Variants in CHRNA5 observed in about 807,000 individuals in gnomAD.
CHRNA5 encodes neuronal acetylcholine receptor subunit alpha-5.
In CHRNA5, 28 loss-of-function variants were observed where a neutral mutation model predicts 41.2. The observed-to-expected ratio is 0.68, with a 90% CI of 0.50 to 0.93. The LOEUF is 0.93. Ranked by LOEUF, CHRNA5 falls within the 40% of genes least tolerant of loss-of-function variation. The pLI is 0.00. For synonymous variants in CHRNA5, 188 were observed against 205.8 expected (o/e 0.91, Z 0.74); for missense variants, 481 against 581.9 (o/e 0.83, Z 1.78).
At chr15:78,565,984 C>T (rs1194022108) in intron 1 of CHRNA5, among the ~76,000 whole-genome samples, 159 bp downstream of exon 1, 1 of 152,090 alleles carries the variant, frequency 6.6e-6, no homozygotes, top group Non-Finnish European at 1.5e-5. Flanking sequence ...GTTTAAATGT[C>T]CAGATTTGCT....
chr15:78,565,717 G>A, exon 1 of CHRNA5: 2 of 1,156,644 alleles, frequency 1.7e-6, no homozygotes, highest in Admixed American at 4.7e-5. Flanking sequence ...CGGGCGCGGG[G>A]CGATGGCGGC....
chr15:78,585,391 G>A (rs2052949867), intron 2 of CHRNA5, among the ~76,000 whole-genome samples: 1 of 152,126 alleles, frequency 6.6e-6, no homozygotes, highest in African/African-American at 2.4e-5. Flanking sequence ...CTTACCTGTT[G>A]TTGGGACGGG....
At chr15:78,593,332 G>T in exon 6 of CHRNA5, 1 of 1,372,124 alleles carries the variant, frequency 7.3e-7, no homozygotes, top group Non-Finnish European at 9.7e-7. Flanking sequence ...GAAAATGTAA[G>T]TTATGTGTTA....
intron 5 of CHRNA5, chr15:78,591,196 C>T (rs973648015): frequency 6.6e-6 from 1 of 152,438 alleles, no homozygotes; most frequent in African/African-American, 2.4e-5. Context: ...CATGGTGAAA[C>T]TCCATTTCTA....
rs565382338 is a variant in CHRNA5 at position 78,588,241 on chromosome 15, C to CA, written c.304-67dup. 29 of 765,118 alleles carry CA rather than the reference C, an allele frequency of 3.8e-5. 1 individual carries two copies. In the South Asian group the frequency reaches 5.9e-4, roughly 16 times the overall value. The allele number at this position is 765,118 out of a possible 1,614,324, so 47.4% of individuals were successfully genotyped here. A position where few individuals can be genotyped will look rare whatever the true frequency, so the allele number is the denominator to read the frequency against. On this transcript the variant is annotated intron_variant, in intron 3 of 5. Coordinates refer to ENST00000299565, the Ensembl canonical transcript of CHRNA5. This position sits in a 1 kb window ranked among gnomAD's most constrained non-coding sequence, Gnocchi z 4.1. ...CTCATGTCTAAAATTTCTGGTGTGA[C>CA]AAAAAAGTATGGTATTCACTGTTTT...
rs747574001 is a variant in CHRNA5, at chr15:78,586,698, G to A, written c.303+9G>A. 1.3e-6 allele frequency: 2 copies of A among 1,599,754 alleles called. No homozygotes were observed. The highest frequency in any genetic ancestry group is 2.3e-5 in the South Asian group (2 of 87,606). On this transcript the variant is annotated intron_variant, in intron 3 of 5. Coordinates refer to ENST00000299565, the Ensembl canonical transcript of CHRNA5. ...ACGTCTGGTTGAAACAGGTATGTGT[G>A]TAAAATTCAAACGGGCACCCAATTA...
intron 2 of CHRNA5, among the ~76,000 whole-genome samples, chr15:78,585,921 A>T (rs2052957223): frequency 6.7e-6 from 1 of 150,324 alleles, no homozygotes; most frequent in Admixed American, 6.7e-5. Flanking sequence ...AATAGCTGGG[A>T]TTACATGCAT....
intron 1 of CHRNA5, among the ~76,000 whole-genome samples, chr15:78,571,616 C>T (rs1368282250): frequency 7.3e-6 from 1 of 136,260 alleles, no homozygotes; most frequent in East Asian, 2.1e-4. Context: ...CAAGTTGTCT[C>T]GTCTCCTCGA....
intron 2 of CHRNA5, among the ~76,000 whole-genome samples, chr15:78,584,938 C>T (rs568320831): frequency 6.6e-6 from 1 of 152,152 alleles, no homozygotes; most frequent in Admixed American, 6.5e-5. Context: ...AGCAAGTCAC[C>T]TCTCTGGGCC....
intron 1 of CHRNA5, among the ~76,000 whole-genome samples, chr15:78,578,199 TTAAAC>T (rs1171118742): frequency 1.3e-5 from 2 of 152,206 alleles, no homozygotes; most frequent in Admixed American, 6.5e-5. Context: ...TATTTGTAGA[TTAAAC>T]TAAGTATCTT....
In CHRNA5 at chr15:78,574,375, T is replaced by G. The variant is rs74574008; in HGVS notation, c.107-6436T>G. Among the ~76,000 whole-genome samples, 1,293 of 99,356 alleles carry G rather than the reference T, an allele frequency of 0.013. 130 individuals are homozygous for G. In the East Asian group the frequency reaches 0.32, roughly 25 times the overall value. 65.2% of individuals were successfully genotyped at this position (99,356 alleles called of 152,430 possible). On this transcript the variant is annotated intron_variant, in intron 1 of 5. Transcript: ENST00000299565. Reference sequence around the variant, plus strand: ...AGCCTGGCCAACAGGAGCTAAACGCTGTCTCAAAAAAAAAAAAAAAAAATC... The same window carrying G: ...AGCCTGGCCAACAGGAGCTAAACGCGGTCTCAAAAAAAAAAAAAAAAAATC...
exon 5 of CHRNA5, chr15:78,590,568 T>A: frequency 6.2e-7 from 1 of 1,614,142 alleles, no homozygotes; most frequent in South Asian, 1.1e-5. Flanking sequence ...TAGAAACACA[T>A]TGGAAGCTGC....
chr15:78,593,215 A>G (rs1378759354), exon 6 of CHRNA5: 3 of 1,613,122 alleles, frequency 1.9e-6, no homozygotes, highest in Non-Finnish European at 2.5e-6. Flanking sequence ...ATGGGCAAAT[A>G]TATTAATACC....
At position 78,580,279 on chromosome 15, in the gene CHRNA5, CAAAAAAAA is replaced by C. The variant is rs71148541; in HGVS notation, c.107-516_107-509del. Among the ~76,000 whole-genome samples, 472 of 62,008 alleles carry C rather than the reference CAAAAAAAA, an allele frequency of 7.6e-3. 1 individual carries two copies. The highest frequency in any genetic ancestry group is 0.011 in the Non-Finnish European group (375 of 33,022). The allele number at this position is 62,008 out of a possible 152,430, so 40.7% of individuals were successfully genotyped here. ...TGGGAGACCAGGCAGGACTCCGTCT[CAAAAAAAA>C]AAAAAAAAAAAAAAAGATTATGCAA... On this transcript the variant is annotated intron_variant, in intron 1 of 5. Transcript: ENST00000299565.
chr15:78,582,913 T>A (rs1253596255), intron 2 of CHRNA5, among the ~76,000 whole-genome samples: 1 of 152,222 alleles, frequency 6.6e-6, no homozygotes, highest in African/African-American at 2.4e-5. Flanking sequence ...CATGTTTACT[T>A]CTTGGGAGAA....
At chr15:78,590,627 T>C in exon 5 of CHRNA5, 1 of 1,610,750 alleles carries the variant, frequency 6.2e-7, no homozygotes, top group Non-Finnish European at 8.5e-7. Flanking sequence ...AGGAAAATGA[T>C]GTCCGTGAGG....
rs144060843 is a variant in CHRNA5 at position 78,586,724 on chromosome 15, G to T, written c.303+35G>T. The T allele has an allele frequency of 2.5e-4, 375 of 1,482,102 alleles. No homozygotes were observed. The African/African-American group carries it at 4.6e-3, about 18-fold the overall frequency. The allele number at this position is 1,482,102 out of a possible 1,614,324, so 91.8% of individuals were successfully genotyped here. On this transcript the variant is annotated intron_variant, in intron 3 of 5. Transcript: ENST00000299565. ...TAAAATTCAAACGGGCACCCAATTA[G>T]TGACTGGGACACCTATTTTTATTAT...
At chr15:78,582,762 T>G (rs1463351237) in intron 2 of CHRNA5, among the ~76,000 whole-genome samples, 3 of 152,160 alleles carry the variant, frequency 2.0e-5, no homozygotes, top group Non-Finnish European at 4.4e-5. Flanking sequence ...GTTGTAGGTA[T>G]ATAAGTGATA....
chr15:78,568,384 T>C (rs745526745), intron 1 of CHRNA5, among the ~76,000 whole-genome samples: 1 of 152,216 alleles, frequency 6.6e-6, no homozygotes, highest in South Asian at 2.1e-4. Flanking sequence ...TAACTAGTTA[T>C]ATTTCTTACT....
Sources: gnomAD v4.1 joint callset for allele counts (sites outside exome capture counted in the v4.1 genomes callset) on GRCh38, gnomAD v4.1.1 for gene constraint, Gnocchi (gnomAD v3.1) non-coding constraint, MANE v1.5 for transcripts, NCBI Gene and HGNC (gene_info 2026-07-23, HGNC 2026-07-21) for gene names.